Variants in DCP2 observed in about 807,000 individuals in gnomAD.
DCP2 encodes decapping mRNA 2, also known as m7GpppN-mRNA hydrolase.
In DCP2, 30 loss-of-function variants were observed where a neutral mutation model predicts 56.1. The observed-to-expected ratio is 0.53, with a 90% CI of 0.40 to 0.73. The LOEUF (loss-of-function observed/expected upper bound fraction) is 0.73, where lower values mean the gene tolerates loss of function less well. Among genes scored for constraint, DCP2 ranks in the 30% least tolerant of loss-of-function variants. The probability of loss-of-function intolerance (pLI) is 0.00; values close to 1 mark genes in which losing one functional copy is unlikely to be tolerated. For missense variants in DCP2, 533 were observed against 502.7 expected (o/e 1.06, Z -0.58); for synonymous variants, 197 against 163.3 (o/e 1.21, Z -1.57).
intron 4 of DCP2, among the ~76,000 whole-genome samples, chr5:112,996,234 C>G (rs1384007718): frequency 6.6e-6 from 1 of 152,194 alleles, no homozygotes; most frequent in Non-Finnish European, 1.5e-5. Context: ...ATAAAAGAAG[C>G]TGCACGGCTT....
At chr5:112,998,370 A>G (rs1278618964) in intron 4 of DCP2, among the ~76,000 whole-genome samples, 1 of 152,222 alleles carries the variant, frequency 6.6e-6, no homozygotes, top group African/African-American at 2.4e-5. Context: ...ATCCAGCAGA[A>G]TAGGCTGCTG....
chr5:113,004,116 A>T, intron 8 of DCP2, 39 bp downstream of exon 8: 4 of 1,591,868 alleles, frequency 2.5e-6, no homozygotes, highest in Non-Finnish European at 2.6e-6. Flanking sequence ...AGAAATTTAG[A>T]TCATTTGGCT....
intron 2 of DCP2, among the ~76,000 whole-genome samples, chr5:112,989,944 G>C (rs1320543515): frequency 4.6e-5 from 7 of 152,168 alleles, no homozygotes; most frequent in African/African-American, 1.7e-4. Context: ...TTGGATATCT[G>C]AGGAGAAGTA....
intron 1 of DCP2, among the ~76,000 whole-genome samples, chr5:112,979,364 C>T (rs1437037306): frequency 6.6e-6 from 1 of 152,112 alleles, no homozygotes; most frequent in Non-Finnish European, 1.5e-5. Context: ...TTTAATGTTA[C>T]AGATTCAAGC....
rs1023469776 is a variant in DCP2, at chr5:113,006,639, A to G, written c.943-1299A>G. Among the ~76,000 whole-genome samples, 5 of 151,966 alleles carry G rather than the reference A, an allele frequency of 3.3e-5. No homozygotes were observed. The South Asian group carries it at 1.0e-3, about 32-fold the overall frequency. ...CTTATTTTATATATATATATTTTAGAAGTTCCTCCTATTTATTCTATTTTA... is the reference window on the plus strand; with the variant it reads ...CTTATTTTATATATATATATTTTAGGAGTTCCTCCTATTTATTCTATTTTA... On this transcript the variant is annotated intron_variant, in intron 8 of 10. Coordinates refer to ENST00000389063, the MANE Select transcript of DCP2 (RefSeq NM_152624.6).
intron 1 of DCP2, among the ~76,000 whole-genome samples, chr5:112,978,296 G>C (rs1460810505): frequency 1.3e-5 from 2 of 152,162 alleles, no homozygotes; most frequent in East Asian, 3.8e-4. Flanking sequence ...CTGTGCACCA[G>C]GCACTACCTT....
rs577508567 is a variant in DCP2 at position 112,989,311 on chromosome 5, A to G, written c.206-2810A>G. ...ATCCCAGTTTCTTCCTGACAAAGTT[A>G]TTAATAGTGCCTAATTCAAAGGGTA... On this transcript the variant is annotated intron_variant, in intron 2 of 10. Coordinates refer to ENST00000389063, the MANE Select transcript of DCP2 (RefSeq NM_152624.6). Among the ~76,000 whole-genome samples, 21 of 152,294 alleles carry G rather than the reference A, an allele frequency of 1.4e-4. No homozygotes were observed. The South Asian group carries it at 3.9e-3, about 29-fold the overall frequency.
At chr5:113,001,744 T>C in intron 7 of DCP2, 70 bp downstream of exon 7, 1 of 1,446,464 alleles carries the variant, frequency 6.9e-7, no homozygotes. Flanking sequence ...GTATTTTGCT[T>C]CTAAAATTTG....
At chr5:113,012,221 G>C (rs1749705485) in intron 10 of DCP2, among the ~76,000 whole-genome samples, 1 of 152,154 alleles carries the variant, frequency 6.6e-6, no homozygotes, top group South Asian at 2.1e-4. Flanking sequence ...TGAGCCAGCT[G>C]TGGTGGCACA....
At position 113,021,646 on chromosome 5, in the gene DCP2, G is replaced by GTAACTAAC. The variant is rs141047308; in HGVS notation, c.*8167_*8168insAACTAACT. 6.6e-6 allele frequency among the ~76,000 whole-genome samples: 1 copy of GTAACTAAC among 152,130 alleles called. No individual in the cohort carries two copies. The highest frequency in any genetic ancestry group is 2.4e-5 in the African/African-American group (1 of 41,442). ...CATTAGAGACCTCAGCTATATGATA[G>GTAACTAAC]TAACTTTTATTTTAAATTCTCAAAA... is the stretch of plus-strand genomic sequence containing the variant. On this transcript the variant is annotated 3_prime_UTR_variant, in exon 11 of 11. Transcript: ENST00000389063.
At chr5:113,007,794 T>C (rs1749508244) in intron 8 of DCP2, 144 bp from the exon 9 acceptor site, 15 of 632,444 alleles carry the variant, frequency 2.4e-5, no homozygotes, top group Non-Finnish European at 3.8e-5. Flanking sequence ...AGAAAATACA[T>C]TGATAGGGTG....
intron 4 of DCP2, among the ~76,000 whole-genome samples, chr5:112,994,036 ATC>A (rs796805255): frequency 1.3e-5 from 2 of 151,692 alleles, no homozygotes; most frequent in African/African-American, 4.8e-5. Flanking sequence ...AGGTCAAGTG[ATC>A]TCTCCTCCTC....
Position 113,014,758 on chromosome 5 carries a change from A to G in DCP2, c.*1274A>G, listed in dbSNP as rs993085021. The G allele has an allele frequency of 6.6e-6, 1 of 152,430 alleles. No homozygotes were observed. Among genetic ancestry groups the G allele is most frequent in the Non-Finnish European group, 1.5e-5 (1 of 67,980 alleles). 9.4% of individuals were successfully genotyped at this position (152,430 alleles called of 1,614,324 possible). A position where few individuals can be genotyped will look rare whatever the true frequency, so the allele number is the denominator to read the frequency against. ...TTGGGAGTCGGGGGTGTTTGAGTATATGTGTGTGTGTGTAACTATCATGTG... is the reference window on the plus strand; with the variant it reads ...TTGGGAGTCGGGGGTGTTTGAGTATGTGTGTGTGTGTGTAACTATCATGTG... On this transcript the variant is annotated 3_prime_UTR_variant, in exon 11 of 11. Coordinates refer to ENST00000389063, the MANE Select transcript of DCP2 (RefSeq NM_152624.6).
At chr5:113,011,253 TA>T (rs1378308355) in intron 10 of DCP2, among the ~76,000 whole-genome samples, 6 of 152,200 alleles carry the variant, frequency 3.9e-5, no homozygotes, top group Non-Finnish European at 7.3e-5. Flanking sequence ...TTTTTCCAAT[TA>T]AAAGGAACAT....
intron 4 of DCP2, among the ~76,000 whole-genome samples, chr5:113,000,431 C>T (rs1028088563): frequency 1.3e-5 from 2 of 152,102 alleles, no homozygotes; most frequent in Non-Finnish European, 2.9e-5. Flanking sequence ...CACACCCACA[C>T]ACCCTACCTG....
rs1251941191 is a variant in DCP2 at position 112,994,914 on chromosome 5, G to A, written c.432+2144G>A. 3.3e-5 allele frequency among the ~76,000 whole-genome samples: 5 copies of A among 152,308 alleles called. No individual in the cohort carries two copies. The East Asian group carries it at 9.6e-4, about 29-fold the overall frequency. On this transcript the variant is annotated intron_variant, in intron 4 of 10. Coordinates refer to ENST00000389063, the MANE Select transcript of DCP2 (RefSeq NM_152624.6). ...GAATTTAAGACTGTTTGAAATGGTA[G>A]TATGGATTTTGTGGCACATTTCATT...
At chr5:113,002,248 C>T (rs978959385) in intron 7 of DCP2, among the ~76,000 whole-genome samples, 1 of 151,922 alleles carries the variant, frequency 6.6e-6, no homozygotes, top group African/African-American at 2.4e-5. Context: ...CATGGTGAAA[C>T]CCCATCTCTA....
At chr5:112,990,620 A>AG (rs1355852160) in intron 2 of DCP2, among the ~76,000 whole-genome samples, 10 of 152,086 alleles carry the variant, frequency 6.6e-5, no homozygotes, top group African/African-American at 2.2e-4. Context: ...TAAAAAAAAA[A>AG]TTGTAGGGAC....
intron 4 of DCP2, among the ~76,000 whole-genome samples, chr5:112,998,340 T>C (rs2150181345): frequency 6.6e-6 from 1 of 152,346 alleles, no homozygotes; most frequent in East Asian, 1.9e-4. Context: ...TATTTATCTT[T>C]TAAGTCCTAG....
Sources: gnomAD v4.1 joint callset for allele counts (sites outside exome capture counted in the v4.1 genomes callset) on GRCh38, gnomAD v4.1.1 for gene constraint, MANE v1.5 for transcripts, NCBI Gene and HGNC (gene_info 2026-07-23, HGNC 2026-07-21) for gene names.